SIPA1L2: variants seen among roughly 807,000 people sequenced by gnomAD.
SIPA1L2 encodes the protein signal induced proliferation associated 1 like 2, also known as signal-induced proliferation-associated 1-like protein 2.
Under a neutral mutation model 163.9 loss-of-function variants are expected in SIPA1L2, and 56 were observed. The ratio of observed to expected loss-of-function variants is 0.34; its 90% CI spans 0.28 to 0.43. SIPA1L2 has a LOEUF of 0.43. Among genes scored for constraint, SIPA1L2 ranks in the 20% least tolerant of loss-of-function variants. The pLI is 1.00. For synonymous variants in SIPA1L2, 877 were observed against 865.7 expected, an observed-to-expected ratio of 1.01 and a Z score of -0.23; for missense variants, 1,974 against 2,193.5, an observed-to-expected ratio of 0.90 and a Z score of 2.00.
At chr1:232,466,451 T>C (rs990103323) in intron 8 of SIPA1L2, among the ~76,000 whole-genome samples, 1 of 152,194 alleles carries the variant, frequency 6.6e-6, no homozygotes, top group African/African-American at 2.4e-5. Context: ...TTATCTCATA[T>C]CCTTTTCTGC....
chr1:232,502,025 A>G (rs1457795234), intron 3 of SIPA1L2, among the ~76,000 whole-genome samples: 1 of 152,200 alleles, frequency 6.6e-6, no homozygotes, highest in Non-Finnish European at 1.5e-5. Flanking sequence ...AAGAGATAAC[A>G]TGTTTTCAAT....
At chr1:232,621,484 A>T (rs1415176155) in intron 1 of SIPA1L2, among the ~76,000 whole-genome samples, 1 of 152,204 alleles carries the variant, frequency 6.6e-6, no homozygotes, top group African/African-American at 2.4e-5. Context: ...GAACCAAGAG[A>T]AATGGGTTTA....
At chr1:232,586,090 C>T (rs573567844) in intron 1 of SIPA1L2, among the ~76,000 whole-genome samples, 137 of 152,250 alleles carry the variant, frequency 9.0e-4, no homozygotes, top group Non-Finnish European at 1.5e-3. Context: ...AGAAAAATCC[C>T]TCATGAAAGC....
intron 2 of SIPA1L2, among the ~76,000 whole-genome samples, chr1:232,522,500 CT>C (rs5781702): frequency 1.0e-3 from 150 of 144,034 alleles, no homozygotes; most frequent in Middle Eastern, 7.4e-3. Context: ...AGCATTGTGC[CT>C]TTTTTTTTTT....
At chr1:232,431,788 G>A (rs922064643) in intron 16 of SIPA1L2, among the ~76,000 whole-genome samples, 2 of 152,024 alleles carry the variant, frequency 1.3e-5, no homozygotes, top group African/African-American at 4.8e-5. Flanking sequence ...CCTTTCCTAC[G>A]TGCCCACCAC....
intron 2 of SIPA1L2, among the ~76,000 whole-genome samples, chr1:232,559,716 T>C (rs1658923031): frequency 6.6e-6 from 1 of 152,202 alleles, no homozygotes; most frequent in Admixed American, 6.5e-5. Flanking sequence ...TTTCCTTCTT[T>C]CTATACAAAT....
At position 232,562,918 on chromosome 1, in the gene SIPA1L2, C is replaced by T. The variant is rs549752690; in HGVS notation, c.-270+11256G>A. On this transcript the variant is annotated intron_variant, in intron 2 of 22. Transcript: ENST00000674635. ...TAGCCACCTAACAAACACCTGCAAG[C>T]TGTGTCGAGAGAACCCAGGCATGGA... Among the ~76,000 whole-genome samples the T allele has an allele frequency of 7.2e-5, 11 of 152,318 alleles. No individual in the cohort carries two copies. The South Asian group carries it at 1.0e-3, about 14-fold the overall frequency.
At chr1:232,401,530 T>A (rs1660339999) in intron 22 of SIPA1L2, among the ~76,000 whole-genome samples, 1 of 152,112 alleles carries the variant, frequency 6.6e-6, no homozygotes, top group Admixed American at 6.5e-5. Flanking sequence ...TTTGCCAACA[T>A]CTCTGTCTGG....
At chr1:232,400,785 T>C (rs1291844047) in intron 22 of SIPA1L2, among the ~76,000 whole-genome samples, 1 of 152,130 alleles carries the variant, frequency 6.6e-6, no homozygotes, top group Non-Finnish European at 1.5e-5. Flanking sequence ...TTTCTCTCAG[T>C]GATCTTCAAA....
intron 10 of SIPA1L2, among the ~76,000 whole-genome samples, chr1:232,449,869 A>C (rs1663464836): frequency 1.3e-5 from 2 of 152,216 alleles, no homozygotes; most frequent in African/African-American, 4.8e-5. Flanking sequence ...ACAATACTAG[A>C]AGGTACAAAA....
intron 7 of SIPA1L2, among the ~76,000 whole-genome samples, chr1:232,472,618 A>G (rs1376538352): frequency 6.6e-6 from 1 of 152,192 alleles, no homozygotes; most frequent in East Asian, 1.9e-4. Flanking sequence ...AAAGTTTGTG[A>G]TCTTCAGTTT....
intron 2 of SIPA1L2, among the ~76,000 whole-genome samples, chr1:232,517,687 T>C (rs927258504): frequency 2.2e-4 from 33 of 152,306 alleles, no homozygotes; most frequent in African/African-American, 7.0e-4. Flanking sequence ...GAAATTAAAG[T>C]TACAAAATAT....
At chr1:232,594,664 T>A (rs35706206) in intron 1 of SIPA1L2, among the ~76,000 whole-genome samples, 4,298 of 152,134 alleles carry the variant, frequency 0.028, 192 homozygotes, top group African/African-American at 0.097. Context: ...GTTTTTTTTT[T>A]AAAAATCAAT....
intron 2 of SIPA1L2, among the ~76,000 whole-genome samples, chr1:232,562,901 T>A (rs1204434832): frequency 1.3e-5 from 2 of 152,210 alleles, no homozygotes; most frequent in East Asian, 3.9e-4. Context: ...ATTAGCCACC[T>A]AACAAACACC....
At chr1:232,442,026 G>A (rs12740484) in intron 12 of SIPA1L2, among the ~76,000 whole-genome samples, 158 bp from the exon 13 acceptor site, 24,603 of 152,004 alleles carry the variant, frequency 0.16, 2,281 homozygotes, top group Non-Finnish European at 0.21. Context: ...GCTCAGCCCC[G>A]CCAGAGAAGC....
intron 3 of SIPA1L2, among the ~76,000 whole-genome samples, chr1:232,496,128 T>C (rs1379472613): frequency 6.6e-6 from 1 of 152,246 alleles, no homozygotes; most frequent in Non-Finnish European, 1.5e-5. Context: ...GAGCGGATTT[T>C]AGTCAGTCCT....
At position 232,409,307 on chromosome 1, in the gene SIPA1L2, G is replaced by A. The variant is rs4418536; in HGVS notation, c.4763-5129C>T. On this transcript the variant is annotated intron_variant, in intron 19 of 22. Coordinates refer to ENST00000674635, the MANE Select transcript of SIPA1L2 (RefSeq NM_020808.5). ...ATATTAAGACTTTTCAGATATTAAA[G>A]CGTTCCTTGGAATTCTCTCATATTT... 4.8e-3 allele frequency among the ~76,000 whole-genome samples: 729 copies of A among 152,180 alleles called. 5 individuals are homozygous for A. The highest frequency in any genetic ancestry group is 8.0e-3 in the Non-Finnish European group (541 of 68,016).
intron 2 of SIPA1L2, among the ~76,000 whole-genome samples, chr1:232,562,989 C>T (rs1368045371): frequency 6.6e-6 from 1 of 152,190 alleles, no homozygotes; most frequent in Non-Finnish European, 1.5e-5. Flanking sequence ...GACTGCCAAA[C>T]CACTGTATTT....
intron 1 of SIPA1L2, among the ~76,000 whole-genome samples, chr1:232,577,548 G>A (rs1004722712): frequency 2.6e-5 from 4 of 152,086 alleles, no homozygotes; most frequent in Admixed American, 6.5e-5. Context: ...AAAGTAAACC[G>A]AAACCCTTTT....
Sources: gnomAD v4.1 joint callset for allele counts (sites outside exome capture counted in the v4.1 genomes callset) on GRCh38, gnomAD v4.1.1 for gene constraint, MANE v1.5 for transcripts, NCBI Gene and HGNC (gene_info 2026-07-23, HGNC 2026-07-21) for gene names.